Variants in SF3B3 observed in about 807,000 individuals in gnomAD.
SF3B3 encodes splicing factor 3b subunit 3.
A neutral mutation model predicts 139.2 loss-of-function variants in SF3B3; 33 were observed. The ratio of observed to expected loss-of-function variants is 0.24; its 90% CI spans 0.18 to 0.32. The LOEUF is 0.32. SF3B3 is among the 10% of genes least tolerant of loss of function. SF3B3 has a pLI of 1.00. For missense variants in SF3B3, 818 were observed against 1,509.4 expected (o/e 0.54, Z 7.59); for synonymous variants, 596 against 563.6 (o/e 1.06, Z -0.81).
chr16:70,567,301 G>A, intron 20 of SF3B3, 110 bp from the exon 21 acceptor site: 1 of 1,198,228 alleles, frequency 8.3e-7, no homozygotes, highest in Non-Finnish European at 1.2e-6. Context: ...GCTCACTGGT[G>A]TGTTTCTTAA....
chr16:70,538,523 A>G (rs2050189209), intron 7 of SF3B3, 63 bp downstream of exon 7: 4 of 1,387,868 alleles, frequency 2.9e-6, no homozygotes, highest in Middle Eastern at 1.8e-4. Context: ...AAGACAGGTA[A>G]TACTTTACAA....
In SF3B3 at chr16:70,540,699, T is replaced by C. The variant is rs1189892311; in HGVS notation, c.1068-970T>C. ...ATTTGTCCCTTTGTGTCTAGCTCAT[T>C]TTACTTGGCATAATATTTAGAAAAT... On this transcript the variant is annotated intron_variant, in intron 8 of 25. Coordinates refer to ENST00000302516, the MANE Select transcript of SF3B3 (RefSeq NM_012426.5). Among the ~76,000 whole-genome samples the C allele has an allele frequency of 2.0e-5, 3 of 152,124 alleles. No homozygotes were observed. In the East Asian group the frequency reaches 5.8e-4, roughly 29 times the overall value.
chr16:70,538,529 T>C (rs2151780541), intron 7 of SF3B3, 69 bp downstream of exon 7: 1 of 1,350,280 alleles, frequency 7.4e-7, no homozygotes, highest in Non-Finnish European at 1.0e-6. Flanking sequence ...GGTAATACTT[T>C]ACAAGTTAAA....
At chr16:70,530,171 T>A (rs1056033020) in intron 3 of SF3B3, among the ~76,000 whole-genome samples, 1 of 137,088 alleles carries the variant, frequency 7.3e-6, no homozygotes, top group Non-Finnish European at 1.6e-5. Flanking sequence ...AATAAATAAA[T>A]AAGAGAGAGA....
chr16:70,530,173 A>AAT (rs2050107470), intron 3 of SF3B3, among the ~76,000 whole-genome samples: 2 of 151,198 alleles, frequency 1.3e-5, no homozygotes, highest in African/African-American at 4.9e-5. Flanking sequence ...TAAATAAATA[A>AAT]GAGAGAGATG....
chr16:70,564,178 C>T, intron 18 of SF3B3, 128 bp downstream of exon 18: 1 of 896,944 alleles, frequency 1.1e-6, no homozygotes, highest in South Asian at 1.7e-5. Flanking sequence ...CGAGACCAGC[C>T]TGGGCAACAT....
chr16:70,530,100 C>T lies in SF3B3; in HGVS notation c.398-645C>T, dbSNP rs191604481. ...GAGATAGCGCTACTGCACTCCAGCC[C>T]GGACGACAGAGTGAGACTGCATCTC... On this transcript the variant is annotated intron_variant, in intron 3 of 25. Transcript: ENST00000302516. 2.5e-4 allele frequency among the ~76,000 whole-genome samples: 38 copies of T among 149,370 alleles called. No homozygotes were observed. In the East Asian group the frequency reaches 5.9e-3, roughly 23 times the overall value.
chr16:70,548,551 A>G (rs2050290753), intron 11 of SF3B3, 109 bp downstream of exon 11: 2 of 956,326 alleles, frequency 2.1e-6, no homozygotes, highest in South Asian at 1.4e-5. Context: ...TTAGCACCAT[A>G]TACCAGAAAC....
Position 70,532,638 on chromosome 16 carries a change from C to G in SF3B3, c.712+18C>G. On this transcript the variant is annotated intron_variant, in intron 5 of 25. Transcript: ENST00000302516. ...TATTACAGGTACTTTTCTTTCAGAGCTGCTTTGTACCCTTTTACTTGGTTC... is the reference window on the plus strand; with the variant it reads ...TATTACAGGTACTTTTCTTTCAGAGGTGCTTTGTACCCTTTTACTTGGTTC... The G allele has an allele frequency of 6.2e-7, 1 of 1,612,902 alleles. No homozygotes were observed. Among genetic ancestry groups the G allele is most frequent in the Non-Finnish European group, 8.5e-7 (1 of 1,179,050 alleles).
At position 70,555,097 on chromosome 16, in the gene SF3B3, A is replaced by G. The variant is rs532389068; in HGVS notation, c.1601A>G (p.Asn534Ser). The G allele has an allele frequency of 6.2e-7, 1 of 1,614,212 alleles. No individual in the cohort carries two copies. The highest frequency in any genetic ancestry group is 2.2e-5 in the East Asian group (1 of 44,892). The change falls in exon 13 of 26, where the codon AAT becomes AGT. Residue 534 changes from asparagine (N) to serine (S), a missense_variant. Around this residue, in one of 14 missense-constraint regions of SF3B3, gnomAD observed 170 missense variants for 353.0 expected, o/e 0.48. Transcript: ENST00000302516. ...IRHIRADKRV[N>S]EWKTPGKKTI... is the part of the protein sequence containing the mutation. The stretch of plus-strand genomic sequence containing the variant: ...CACATACGAGCAGACAAGAGAGTCA[A>G]TGAGTGGAAGACCCCTGGAAAGAAA...
chr16:70,573,833 A>T lies in SF3B3; in HGVS notation c.*2020A>T, dbSNP rs2050551891. Reference sequence around the variant, plus strand: ...CCATTGCTAAGCCCTTGTGACTTGGATCCTAGGACTGAAAAGTTTTTAGCT... The same window carrying T: ...CCATTGCTAAGCCCTTGTGACTTGGTTCCTAGGACTGAAAAGTTTTTAGCT... On this transcript the variant is annotated 3_prime_UTR_variant, in exon 26 of 26. Coordinates refer to ENST00000302516, the MANE Select transcript of SF3B3 (RefSeq NM_012426.5). 7.9e-5 allele frequency: 12 copies of T among 152,166 alleles called. No homozygotes were observed. Among genetic ancestry groups the T allele is most frequent in the Admixed American group, 6.5e-4 (10 of 15,272 alleles). 9.4% of individuals were successfully genotyped at this position (152,166 alleles called of 1,614,324 possible).
rs1279559856 is a variant in SF3B3 at position 70,574,979 on chromosome 16, C to T, written c.*3166C>T. On this transcript the variant is annotated 3_prime_UTR_variant, in exon 26 of 26. Coordinates refer to ENST00000302516, the MANE Select transcript of SF3B3 (RefSeq NM_012426.5). Reference sequence around the variant, plus strand: ...ATCAAACCTGGTCCAAAAAACGTCACAACGGAGGAAAGGAATAGATGGCTC... The same window carrying T: ...ATCAAACCTGGTCCAAAAAACGTCATAACGGAGGAAAGGAATAGATGGCTC... The T allele has an allele frequency of 1.3e-5, 2 of 152,102 alleles. No homozygotes were observed. Among genetic ancestry groups the T allele is most frequent in the Non-Finnish European group, 2.9e-5 (2 of 68,030 alleles). 9.4% of individuals were successfully genotyped at this position (152,102 alleles called of 1,614,324 possible). A position where few individuals can be genotyped will look rare whatever the true frequency, so the allele number is the denominator to read the frequency against.
Position 70,569,132 on chromosome 16 carries a change from C to G in SF3B3, c.3255C>G (p.Ala1085=), listed in dbSNP as rs1408495545. Residue 1085 remains alanine (A), a synonymous_variant, in exon 23 of 26, where the codon GCC becomes GCG. Transcript: ENST00000302516. ...ALWDRGLLNG[A]SQKAEVIMNY... ...GGGACCGTGGCTTGCTCAATGGGGCCTCCCAGAAGGTAAGATTGCAGAATG... is the reference window on the plus strand; with the variant it reads ...GGGACCGTGGCTTGCTCAATGGGGCGTCCCAGAAGGTAAGATTGCAGAATG... 5 of 1,608,438 alleles carry G rather than the reference C, an allele frequency of 3.1e-6. No individual in the cohort carries two copies. Among genetic ancestry groups the G allele is most frequent in the Admixed American group, 1.7e-5 (1 of 59,462 alleles).
chr16:70,568,268 CT>C lies in SF3B3; in HGVS notation c.2953-12del. 1 of 1,590,240 alleles carries C rather than the reference CT, an allele frequency of 6.3e-7. No individual in the cohort carries two copies. Among genetic ancestry groups the C allele is most frequent in the East Asian group, 2.2e-5 (1 of 44,746 alleles). ...AGATTACACCCACCATCACTATTGTCTTTGTTTTTCCCAGCATATTGCCAAT... is the reference window on the plus strand; with the variant it reads ...AGATTACACCCACCATCACTATTGTCTTGTTTTTCCCAGCATATTGCCAAT... On this transcript the variant is annotated splice_polypyrimidine_tract_variant and intron_variant, in intron 21 of 25. Transcript: ENST00000302516.
chr16:70,535,244 G>T, intron 5 of SF3B3, 64 bp from the exon 6 acceptor site: 1 of 765,682 alleles, frequency 1.3e-6, no homozygotes. Flanking sequence ...GAGAGGAGGA[G>T]TTGAAAGCTG....
At chr16:70,561,882 C>T (rs1268500160) in intron 17 of SF3B3, 98 bp downstream of exon 17, 4 of 1,022,904 alleles carry the variant, frequency 3.9e-6, no homozygotes, top group African/African-American at 3.2e-5. Flanking sequence ...GAAGAGGTGG[C>T]AGAGAGCCGA....
chr16:70,562,616 T>G (rs1320804963), intron 17 of SF3B3, among the ~76,000 whole-genome samples: 1 of 152,192 alleles, frequency 6.6e-6, no homozygotes, highest in Non-Finnish European at 1.5e-5. Flanking sequence ...TGCCTGTCAG[T>G]GTTCCCCTTG....
intron 4 of SF3B3, among the ~76,000 whole-genome samples, chr16:70,531,812 G>C (rs541478951): frequency 6.6e-6 from 1 of 152,380 alleles, no homozygotes; most frequent in African/African-American, 2.4e-5. Flanking sequence ...ACGGAAGGCA[G>C]TATCCTCTAG....
intron 1 of SF3B3, among the ~76,000 whole-genome samples, chr16:70,525,935 T>TG (rs1488124189): frequency 1.7e-5 from 2 of 119,578 alleles, no homozygotes; most frequent in African/African-American, 6.5e-5. Context: ...CACTCCAGCC[T>TG]GGGCGACAGA....
Sources: allele counts gnomAD v4.1 joint callset (sites outside exome capture counted in the v4.1 genomes callset), GRCh38; gene constraint gnomAD v4.1.1; regional missense constraint gnomAD v4.1.1; transcripts MANE v1.5; gene names NCBI Gene and HGNC (gene_info 2026-07-23, HGNC 2026-07-21).